Variants in NUMB observed in about 807,000 individuals in gnomAD.
The protein encoded by NUMB is NUMB endocytic adaptor protein, also known as protein numb homolog.
NUMB carries 29 observed loss-of-function variants against 59.7 expected under a neutral mutation model. The observed-to-expected ratio is 0.49, with a 90% CI of 0.36 to 0.66. The LOEUF is 0.66. NUMB is among the 30% of genes least tolerant of loss of function. The pLI is 0.00. For missense variants in NUMB, 723 were observed against 822.0 expected (o/e 0.88, Z 1.47); for synonymous variants, 288 against 288.2 (o/e 1.00, Z 0.01).
intron 2 of NUMB, chr14:73,409,540 T>C (rs1052566108): frequency 2.6e-5 from 4 of 152,446 alleles, no homozygotes; most frequent in Non-Finnish European, 5.9e-5. Flanking sequence ...TCATGCTGTA[T>C]GTTAACAGAG....
chr14:73,283,115 A>T (rs550927431), intron 10 of NUMB, among the ~76,000 whole-genome samples: 26 of 152,222 alleles, frequency 1.7e-4, no homozygotes, highest in Non-Finnish European at 3.5e-4. Context: ...TGACTCTAGG[A>T]TACTTCTGTA....
chr14:73,335,302 C>CAAAAAAAAA (rs10556271), intron 4 of NUMB, among the ~76,000 whole-genome samples: 87 of 100,192 alleles, frequency 8.7e-4, no homozygotes, highest in Middle Eastern at 6.1e-3. Flanking sequence ...GCCAAAAAGA[C>CAAAAAAAAA]AAAAAAAAAA....
At chr14:73,280,364 G>C (rs1423067596) in intron 11 of NUMB, among the ~76,000 whole-genome samples, 1 of 151,198 alleles carries the variant, frequency 6.6e-6, no homozygotes, top group Admixed American at 6.6e-5. Flanking sequence ...TTTCTAATTT[G>C]CTACACAATT....
At position 73,383,669 on chromosome 14, in the gene NUMB, C is replaced by T. The variant is rs148819390; in HGVS notation, c.-100-16688G>A. Among the ~76,000 whole-genome samples, 709 of 152,178 alleles carry T rather than the reference C, an allele frequency of 4.7e-3. 5 individuals are homozygous for T. The highest frequency in any genetic ancestry group is 0.03 in the South Asian group (143 of 4,818). On this transcript the variant is annotated intron_variant, in intron 2 of 12. Coordinates refer to ENST00000555238, the MANE Select transcript of NUMB (RefSeq NM_001005743.2). ...TCATAAAAAGCATGAAAGAAAACCA[C>T]GTAAGCATCTTACTGAAAACTGCTA...
chr14:73,440,602 T>C (rs1053200742), intron 1 of NUMB, among the ~76,000 whole-genome samples: 21 of 151,544 alleles, frequency 1.4e-4, no homozygotes, highest in African/African-American at 5.1e-4. Context: ...TCCCAGCACT[T>C]TGGGAGGCTG....
At chr14:73,312,737 C>A (rs542575091) in intron 6 of NUMB, among the ~76,000 whole-genome samples, 1 of 149,252 alleles carries the variant, frequency 6.7e-6, no homozygotes, top group Admixed American at 6.7e-5. Context: ...AAAAAGCCAT[C>A]TAGCAGAATG....
intron 2 of NUMB, among the ~76,000 whole-genome samples, chr14:73,377,144 T>C (rs1367167009): frequency 6.6e-6 from 1 of 152,168 alleles, no homozygotes; most frequent in East Asian, 1.9e-4. Context: ...GAAGATAACA[T>C]AGGATAACAT....
intron 7 of NUMB, among the ~76,000 whole-genome samples, chr14:73,293,393 C>CTTTTTTTT (rs56116167): frequency 1.0e-5 from 1 of 95,552 alleles, no homozygotes. Flanking sequence ...GTTTCTTTTT[C>CTTTTTTTT]TTTTTTTTTT....
At chr14:73,329,179 T>G (rs1271730422) in intron 4 of NUMB, among the ~76,000 whole-genome samples, 1 of 152,210 alleles carries the variant, frequency 6.6e-6, no homozygotes, top group East Asian at 1.9e-4. Flanking sequence ...TTTTTCATTC[T>G]CTTAACAGTG....
chr14:73,449,154 T>C (rs61987083), intron 1 of NUMB, among the ~76,000 whole-genome samples: 81,468 of 151,932 alleles, frequency 0.54, 22,475 homozygotes, highest in East Asian at 0.72. Context: ...GCAAAAGCTG[T>C]AATTACTTTT....
intron 2 of NUMB, among the ~76,000 whole-genome samples, chr14:73,369,178 A>G (rs1894539952): frequency 6.6e-6 from 1 of 151,456 alleles, no homozygotes; most frequent in Non-Finnish European, 1.5e-5. Flanking sequence ...AGTAGCTGGG[A>G]TTACAGGTGC....
At chr14:73,323,319 G>T in intron 4 of NUMB, 115 bp from the exon 5 acceptor site, 1 of 623,100 alleles carries the variant, frequency 1.6e-6, no homozygotes, top group Non-Finnish European at 2.7e-6. Flanking sequence ...GAAAAAATTT[G>T]AAATCTGAAA....
intron 4 of NUMB, among the ~76,000 whole-genome samples, chr14:73,346,421 G>A (rs1409394591): frequency 2.0e-5 from 3 of 151,468 alleles, no homozygotes; most frequent in Admixed American, 6.6e-5. Context: ...CAGAGGCTGC[G>A]GTGAACCGAG....
rs1221494798 is a variant in NUMB at position 73,276,274 on chromosome 14, T to C, written c.*304A>G. 3.4e-6 allele frequency: 1 copy of C among 296,626 alleles called. No individual in the cohort carries two copies. The highest frequency in any genetic ancestry group is 6.3e-6 in the Non-Finnish European group (1 of 157,552). 18.4% of individuals were successfully genotyped at this position (296,626 alleles called of 1,614,324 possible). On this transcript the variant is annotated 3_prime_UTR_variant, in exon 13 of 13. Transcript: ENST00000555238. ...GTAAATGTGCTTGGAATATAGATTC[T>C]TGTTCAGATACTTTGCCTCTCTGTT...
intron 12 of NUMB, among the ~76,000 whole-genome samples, chr14:73,278,264 G>A (rs1432861714): frequency 6.6e-6 from 1 of 152,054 alleles, no homozygotes; most frequent in African/African-American, 2.4e-5. Context: ...GCTCACACCT[G>A]TAATCCCGGC....
chr14:73,305,105 AC>A (rs1890354010), intron 6 of NUMB, among the ~76,000 whole-genome samples: 1 of 152,134 alleles, frequency 6.6e-6, no homozygotes, highest in African/African-American at 2.4e-5. Context: ...GGGATTAGCA[AC>A]CGTTTTTTGT....
chr14:73,276,781 C>T lies in NUMB; in HGVS notation c.1753G>A (p.Gly585Ser), dbSNP rs199903286. 10 of 1,614,150 alleles carry T rather than the reference C, an allele frequency of 6.2e-6. No homozygotes were observed. Among genetic ancestry groups the T allele is most frequent in the Middle Eastern group, 1.7e-4 (1 of 6,060 alleles). Reference protein sequence around the residue: ...FFKPPAQHLNGSAAFNGVDDG... With the variant: ...FFKPPAQHLNSSAAFNGVDDG... ...TCTACACCATTGAAAGCTGCAGAACCGTTGAGGTGCTGAGCAGGAGGCTTA... is the reference window on the plus strand; with the variant it reads ...TCTACACCATTGAAAGCTGCAGAACTGTTGAGGTGCTGAGCAGGAGGCTTA... The change falls in exon 13 of 13, where the codon GGT becomes AGT. Residue 585 changes from glycine (G) to serine (S), a missense_variant. Transcript: ENST00000555238.
chr14:73,383,968 G>C (rs971140280), intron 2 of NUMB, among the ~76,000 whole-genome samples: 5 of 152,010 alleles, frequency 3.3e-5, no homozygotes, highest in African/African-American at 7.2e-5. Flanking sequence ...AGTGAGCCAA[G>C]ATCATGCCAC....
At chr14:73,443,667 T>C (rs1004983949) in intron 1 of NUMB, among the ~76,000 whole-genome samples, 1 of 151,838 alleles carries the variant, frequency 6.6e-6, no homozygotes. Flanking sequence ...CATTCATTCA[T>C]TGAGCTGGAG....
Sources: gnomAD v4.1 joint callset for allele counts (sites outside exome capture counted in the v4.1 genomes callset) on GRCh38, gnomAD v4.1.1 for gene constraint, MANE v1.5 for transcripts, NCBI Gene and HGNC (gene_info 2026-07-23, HGNC 2026-07-21) for gene names.